PDE8B: variants seen among roughly 807,000 people sequenced by gnomAD.
PDE8B encodes high affinity cAMP-specific and IBMX-insensitive 3',5'-cyclic phosphodiesterase 8B.
A neutral mutation model predicts 101.3 loss-of-function variants in PDE8B; 26 were observed. The ratio of observed to expected loss-of-function variants is 0.26; its 90% CI spans 0.19 to 0.36. The LOEUF is 0.36. Among genes scored for constraint, PDE8B ranks in the 10% least tolerant of loss-of-function variants. PDE8B has a pLI of 1.00. For synonymous variants in PDE8B, 424 were observed against 429.3 expected, an observed-to-expected ratio of 0.99 and a Z score of 0.15; for missense variants, 810 against 1,163.1, an observed-to-expected ratio of 0.70 and a Z score of 4.42.
the PDE8B span, among the ~76,000 whole-genome samples, chr5:77,183,129 A>ATTATTATT: frequency 0.063 from 9,256 of 147,988 alleles, 576 homozygotes; most frequent in East Asian, 0.25. Context: ...TATTATTATT[A>ATTATTATT]ATTATTTTGA....
chr5:77,418,079 G>A (rs954029806), intron 17 of PDE8B, 150 bp from the exon 18 acceptor site: 9 of 695,056 alleles, frequency 1.3e-5, no homozygotes, highest in African/African-American at 5.3e-5. Flanking sequence ...GTCCGAGGCC[G>A]CCTCTCCACA....
chr5:77,333,237 C>T (rs1313293159), intron 5 of PDE8B, among the ~76,000 whole-genome samples: 1 of 152,142 alleles, frequency 6.6e-6, no homozygotes, highest in African/African-American at 2.4e-5. Flanking sequence ...GAAAGCTATT[C>T]TTAGGTGCTA....
chr5:77,341,489 A>G (rs1351544517), intron 6 of PDE8B, among the ~76,000 whole-genome samples: 2 of 152,236 alleles, frequency 1.3e-5, no homozygotes, highest in African/African-American at 4.8e-5. Flanking sequence ...GTACCTGTTT[A>G]TATACTTAGT....
At chr5:77,200,204 A>AAATTT in the PDE8B span, among the ~76,000 whole-genome samples, 29 of 152,302 alleles carry the variant, frequency 1.9e-4, no homozygotes, top group African/African-American at 6.7e-4. Context: ...TAGTTCTCAC[A>AAATTT]AATTTATTTG....
chr5:77,205,605 AAT>A (rs1415912352), upstream of PDE8B, among the ~76,000 whole-genome samples: 1 of 152,228 alleles, frequency 6.6e-6, no homozygotes, highest in East Asian at 1.9e-4. Context: ...CATAAAAGGA[AAT>A]AGAGTTACCT....
chr5:77,348,877 T>C (rs1488305112), intron 7 of PDE8B, among the ~76,000 whole-genome samples: 1 of 152,118 alleles, frequency 6.6e-6, no homozygotes, highest in African/African-American at 2.4e-5. Context: ...AGGTGGAGTC[T>C]AGCTGTGTTT....
the PDE8B span, chr5:77,180,544 C>A: frequency 1.1e-6 from 1 of 949,204 alleles, no homozygotes; most frequent in East Asian, 1.2e-4. Context: ...CACCTGGGTA[C>A]CCGGCCGCTG....
intron 1 of PDE8B, among the ~76,000 whole-genome samples, chr5:77,286,247 T>A (rs1213701307): frequency 6.6e-6 from 1 of 152,194 alleles, no homozygotes; most frequent in African/African-American, 2.4e-5. Flanking sequence ...TTCAGAGATT[T>A]TTAAATTTTT....
At chr5:77,160,316 C>T in the PDE8B span, among the ~76,000 whole-genome samples, 9 of 152,120 alleles carry the variant, frequency 5.9e-5, no homozygotes, top group Non-Finnish European at 1.3e-4. Context: ...TTCCAGGATG[C>T]CCGCTATACC....
At chr5:77,123,663 G>T in the PDE8B span, among the ~76,000 whole-genome samples, 2 of 152,112 alleles carry the variant, frequency 1.3e-5, no homozygotes, top group Non-Finnish European at 2.9e-5. Context: ...GGAGGTTGAG[G>T]GGGAGGATCC....
intron 1 of PDE8B, among the ~76,000 whole-genome samples, chr5:77,215,062 C>T (rs1198144590): frequency 6.6e-6 from 1 of 152,150 alleles, no homozygotes; most frequent in Non-Finnish European, 1.5e-5. Context: ...GTATGGGAAA[C>T]CTGCTATCCC....
intron 10 of PDE8B, among the ~76,000 whole-genome samples, chr5:77,389,415 T>TCCCAATGAGATG (rs1194787811): frequency 6.6e-6 from 1 of 152,042 alleles, no homozygotes; most frequent in Non-Finnish European, 1.5e-5. Flanking sequence ...GCCCAACCAG[T>TCCCAATGAGATG]CCCAATGAGA....
chr5:77,276,783 C>T (rs887150568), intron 1 of PDE8B, among the ~76,000 whole-genome samples: 6 of 152,102 alleles, frequency 3.9e-5, no homozygotes, highest in Non-Finnish European at 5.9e-5. Context: ...TGAGAGTATT[C>T]CTTAAATACA....
chr5:77,408,223 G>C (rs1185909724), intron 13 of PDE8B, among the ~76,000 whole-genome samples: 2 of 152,192 alleles, frequency 1.3e-5, no homozygotes, highest in Non-Finnish European at 2.9e-5. Context: ...CCAGGGTAGG[G>C]AGAGGAATGA....
intron 1 of PDE8B, among the ~76,000 whole-genome samples, chr5:77,257,756 A>G (rs1759491698): frequency 6.6e-6 from 1 of 152,064 alleles, no homozygotes; most frequent in African/African-American, 2.4e-5. Flanking sequence ...TGCTGCACCT[A>G]TCAACCCATC....
At chr5:77,331,661 T>C (rs1311306944) in intron 5 of PDE8B, among the ~76,000 whole-genome samples, 1 of 152,222 alleles carries the variant, frequency 6.6e-6, no homozygotes, top group Non-Finnish European at 1.5e-5. Flanking sequence ...CTCTCTGGGT[T>C]ATTTCCATAT....
chr5:77,166,930 T>C, the PDE8B span: 2 of 152,240 alleles, frequency 1.3e-5, no homozygotes, highest in Non-Finnish European at 2.9e-5. Flanking sequence ...TTCCCTACGG[T>C]ACAGTACATC....
intron 1 of PDE8B, among the ~76,000 whole-genome samples, chr5:77,213,584 G>A (rs531001873): frequency 3.3e-5 from 5 of 152,052 alleles, no homozygotes; most frequent in Non-Finnish European, 5.9e-5. Context: ...TTTTTTTGCC[G>A]TAAGAGTTTG....
At chr5:77,259,934 G>T (rs1760121334) in intron 1 of PDE8B, among the ~76,000 whole-genome samples, 1 of 152,112 alleles carries the variant, frequency 6.6e-6, no homozygotes, top group African/African-American at 2.4e-5. Context: ...GGCCGAGGTG[G>T]GTGGATCATC....
Sources: allele counts gnomAD v4.1 joint callset (sites outside exome capture counted in the v4.1 genomes callset), GRCh38; gene constraint gnomAD v4.1.1; transcripts MANE v1.5; gene names NCBI Gene and HGNC (gene_info 2026-07-23, HGNC 2026-07-21).